SCN3A: variants seen among roughly 807,000 people sequenced by gnomAD.
SCN3A encodes the protein sodium channel protein type 3 subunit alpha.
Under a neutral mutation model 187.6 loss-of-function variants are expected in SCN3A, and 60 were observed. The observed-to-expected ratio is 0.32, with a 90% confidence interval of 0.26 to 0.40. The LOEUF (loss-of-function observed/expected upper bound fraction) is 0.40, where lower values mean the gene tolerates loss of function less well. Among genes scored for constraint, SCN3A ranks in the 10% least tolerant of loss-of-function variants. SCN3A has a pLI of 1.00. For synonymous variants in SCN3A, 788 were observed against 829.2 expected (o/e 0.95, Z 0.85); for missense variants, 1,601 against 2,428.2 (o/e 0.66, Z 7.16).
chr2:165,150,111 T>A (rs932822079), intron 11 of SCN3A, among the ~76,000 whole-genome samples: 1 of 152,206 alleles, frequency 6.6e-6, no homozygotes, highest in Non-Finnish European at 1.5e-5. Flanking sequence ...TGGGCAACAT[T>A]AGGCACTTAA....
Position 165,088,360 on chromosome 2 carries a change from A to G in SCN3A, c.*1790T>C, listed in dbSNP as rs532312321. On this transcript the variant is annotated 3_prime_UTR_variant, in exon 28 of 28. Transcript: ENST00000283254. ...CACTTTGTTCATGGCTAAAAAGAAC[A>G]AAGTCCATGTTATATTTGTAATAGC... is the stretch of plus-strand genomic sequence containing the variant. 6.6e-6 allele frequency: 1 copy of G among 152,650 alleles called. No individual in the cohort carries two copies. The highest frequency in any genetic ancestry group is 1.9e-4 in the East Asian group (1 of 5,196). The allele number at this position is 152,650 out of a possible 1,614,324, so 9.5% of individuals were successfully genotyped here. A position where few individuals can be genotyped will look rare whatever the true frequency, so the allele number is the denominator to read the frequency against.
intron 25 of SCN3A, among the ~76,000 whole-genome samples, chr2:165,095,120 G>C (rs561058175): frequency 6.6e-6 from 1 of 152,254 alleles, no homozygotes; most frequent in African/African-American, 2.4e-5. Context: ...GTTCAGAAAA[G>C]GGCAGAAAGC....
chr2:165,175,023 T>C (rs1690361124), intron 3 of SCN3A, among the ~76,000 whole-genome samples: 1 of 152,224 alleles, frequency 6.6e-6, no homozygotes, highest in African/African-American at 2.4e-5. Context: ...TTAAAACATC[T>C]TGAGGTAATC....
chr2:165,137,536 G>A (rs560264146), intron 15 of SCN3A, among the ~76,000 whole-genome samples: 10 of 152,126 alleles, frequency 6.6e-5, no homozygotes, highest in African/African-American at 2.4e-4. Flanking sequence ...TTGTTTTAGA[G>A]GCTGTGTGGG....
chr2:165,143,784 G>A (rs1688158159), intron 12 of SCN3A, among the ~76,000 whole-genome samples: 1 of 152,070 alleles, frequency 6.6e-6, no homozygotes, highest in Non-Finnish European at 1.5e-5. Flanking sequence ...GTAACAAAAG[G>A]GAAAATAGAA....
At chr2:165,109,111 T>A (rs1235713452) in intron 21 of SCN3A, among the ~76,000 whole-genome samples, 1 of 152,208 alleles carries the variant, frequency 6.6e-6, no homozygotes, top group East Asian at 1.9e-4. Context: ...AACTATCTTC[T>A]CTGGGTTTCT....
chr2:165,122,591 G>A (rs185157599), intron 18 of SCN3A, among the ~76,000 whole-genome samples: 113 of 152,172 alleles, frequency 7.4e-4, no homozygotes, highest in African/African-American at 2.6e-3. Context: ...GGTTTTAAAA[G>A]GCTAAAGACT....
rs267598956 is a variant in SCN3A at position 165,176,170 on chromosome 2, C to T, written c.225G>A (p.Glu75=). The stretch of plus-strand genomic sequence containing the variant: ...AGTAGGGATCCAGGTCCTCCAGGGG[C>T]TCTGACACCATCTCTGGAGGAATGT... The part of the protein sequence containing the change: ...YGDIPPEMVS[E]PLEDLDPYYI... Residue 75 remains glutamate, a synonymous_variant, in exon 3 of 28, where the codon GAG becomes GAA. Coordinates refer to ENST00000283254, the MANE Select transcript of SCN3A (RefSeq NM_006922.4). The T allele has an allele frequency of 6.2e-7, 1 of 1,614,016 alleles. No individual in the cohort carries two copies. Among genetic ancestry groups the T allele is most frequent in the South Asian group, 1.1e-5 (1 of 91,070 alleles).
At chr2:165,106,722 A>G (rs1685879356) in intron 21 of SCN3A, among the ~76,000 whole-genome samples, 1 of 152,232 alleles carries the variant, frequency 6.6e-6, no homozygotes, top group South Asian at 2.1e-4. Flanking sequence ...AGTATTACAA[A>G]TGATAACGCT....
At chr2:165,166,251 A>G (rs1689749292) in intron 5 of SCN3A, among the ~76,000 whole-genome samples, 1 of 152,192 alleles carries the variant, frequency 6.6e-6, no homozygotes, top group Non-Finnish European at 1.5e-5. Context: ...ATGGCTGTCC[A>G]TGGAAGAGAG....
At chr2:165,176,489 T>A (rs1690478968) in intron 2 of SCN3A, 45 bp from the exon 3 acceptor site, 1 of 1,482,436 alleles carries the variant, frequency 6.7e-7, no homozygotes, top group Admixed American at 1.7e-5. Flanking sequence ...AAGCAAGCGA[T>A]TGGGCATAAG....
At chr2:165,163,067 G>T (rs766129988) in intron 7 of SCN3A, among the ~76,000 whole-genome samples, 2 of 152,000 alleles carry the variant, frequency 1.3e-5, no homozygotes, top group Non-Finnish European at 2.9e-5. Context: ...TTGTTTGTGT[G>T]GTTTTACATG....
intron 3 of SCN3A, among the ~76,000 whole-genome samples, chr2:165,173,625 A>G (rs1690258706): frequency 6.6e-6 from 1 of 152,190 alleles, no homozygotes; most frequent in African/African-American, 2.4e-5. Context: ...ATGTATCACT[A>G]ATTAATGATG....
At chr2:165,129,888 AGCTACTGTCT>A in intron 17 of SCN3A, 42 bp downstream of exon 17, 3 of 1,609,674 alleles carry the variant, frequency 1.9e-6, no homozygotes, top group African/African-American at 2.7e-5. Flanking sequence ...CCACGTTCCT[AGCTACTGTCT>A]GCTCTTGTTC....
chr2:165,152,180 A>G (rs1688723633), intron 11 of SCN3A, among the ~76,000 whole-genome samples: 1 of 152,226 alleles, frequency 6.6e-6, no homozygotes, highest in Non-Finnish European at 1.5e-5. Context: ...CTGCAGGAAT[A>G]TGTGACCCAT....
chr2:165,161,831 G>C (rs1218952799), intron 9 of SCN3A, among the ~76,000 whole-genome samples: 1 of 152,138 alleles, frequency 6.6e-6, no homozygotes, highest in Non-Finnish European at 1.5e-5. Flanking sequence ...TTTGTATACA[G>C]AAATACATGC....
intron 21 of SCN3A, among the ~76,000 whole-genome samples, chr2:165,101,829 C>T (rs1321423362): frequency 6.6e-6 from 1 of 152,170 alleles, no homozygotes; most frequent in Non-Finnish European, 1.5e-5. Flanking sequence ...GATACCAAAA[C>T]CAGAACCTAG....
At position 165,092,108 on chromosome 2, in the gene SCN3A, G is replaced by C. The variant is rs1685133437; in HGVS notation, c.4807+146C>G. Reference sequence around the variant, plus strand: ...GCTTTGTGAATAAACCCAGGTTTCAGAGTTTTTATTCAAATATGCTAGTGT... The same window carrying C: ...GCTTTGTGAATAAACCCAGGTTTCACAGTTTTTATTCAAATATGCTAGTGT... On this transcript the variant is annotated intron_variant, in intron 27 of 27. Coordinates refer to ENST00000283254, the MANE Select transcript of SCN3A (RefSeq NM_006922.4). This position sits in a 1 kb window ranked among gnomAD's most constrained non-coding sequence, Gnocchi z 4.2. 6.2e-6 allele frequency: 5 copies of C among 812,040 alleles called. No homozygotes were observed. In the Admixed American group the frequency reaches 6.2e-5, roughly 10 times the overall value. 50.3% of individuals were successfully genotyped at this position (812,040 alleles called of 1,614,324 possible).
intron 25 of SCN3A, among the ~76,000 whole-genome samples, chr2:165,095,018 A>G (rs932303296): frequency 1.3e-5 from 2 of 152,182 alleles, no homozygotes; most frequent in Non-Finnish European, 2.9e-5. Flanking sequence ...CTTACCCTTA[A>G]GCTAGGCCTT....
Sources: gnomAD v4.1 joint callset for allele counts (sites outside exome capture counted in the v4.1 genomes callset) on GRCh38, gnomAD v4.1.1 for gene constraint, Gnocchi (gnomAD v3.1) non-coding constraint, MANE v1.5 for transcripts, NCBI Gene and HGNC (gene_info 2026-07-23, HGNC 2026-07-21) for gene names.